SCN8A: variants seen among roughly 807,000 people sequenced by gnomAD.
SCN8A encodes the protein sodium voltage-gated channel alpha subunit 8.
In SCN8A, 30 loss-of-function variants were observed where a neutral mutation model predicts 184.1. The ratio of observed to expected loss-of-function variants is 0.16; its 90% CI spans 0.12 to 0.22. The LOEUF is 0.22. SCN8A is among the 10% of genes least tolerant of loss of function. The pLI is 1.00. For missense variants in SCN8A, 1,057 were observed against 2,498.9 expected, an observed-to-expected ratio of 0.42 and a Z score of 12.30; for synonymous variants, 852 against 907.0, an observed-to-expected ratio of 0.94 and a Z score of 1.09.
At chr12:51,604,345 T>A (rs966883083) in intron 1 of SCN8A, among the ~76,000 whole-genome samples, 1 of 152,198 alleles carries the variant, frequency 6.6e-6, no homozygotes, top group Non-Finnish European at 1.5e-5. Context: ...TGAATTGATT[T>A]TGGACTTTTG....
chr12:51,709,881 A>G (rs1941845828), intron 11 of SCN8A, among the ~76,000 whole-genome samples: 2 of 152,308 alleles, frequency 1.3e-5, no homozygotes, highest in Non-Finnish European at 2.9e-5. Flanking sequence ...GATGAGGTGG[A>G]TAAATTTGTA....
chr12:51,679,360 A>C (rs1941285188), intron 2 of SCN8A, among the ~76,000 whole-genome samples: 1 of 152,210 alleles, frequency 6.6e-6, no homozygotes, highest in South Asian at 2.1e-4. Context: ...CAGTTTTGCC[A>C]TCTGTTTTTG....
chr12:51,738,848 C>T (rs1395967163), intron 12 of SCN8A, among the ~76,000 whole-genome samples: 1 of 152,176 alleles, frequency 6.6e-6, no homozygotes, highest in Non-Finnish European at 1.5e-5. Context: ...GGGGGTTCCC[C>T]AGGCAGAAGG....
intron 12 of SCN8A, among the ~76,000 whole-genome samples, chr12:51,736,658 C>T (rs1471994715): frequency 6.6e-6 from 1 of 152,208 alleles, no homozygotes; most frequent in Non-Finnish European, 1.5e-5. Context: ...GGTGTATGAG[C>T]TCTAATGTCA....
At chr12:51,676,211 C>T (rs1022057052) in intron 2 of SCN8A, among the ~76,000 whole-genome samples, 2 of 152,130 alleles carry the variant, frequency 1.3e-5, no homozygotes, top group African/African-American at 2.4e-5. Context: ...TACCAGGACA[C>T]GGGTACTCTG....
chr12:51,699,649 G>A lies in SCN8A; in HGVS notation c.786G>A (p.Leu262=), dbSNP rs1592387904. 1 of 1,614,138 alleles carries A rather than the reference G, an allele frequency of 6.2e-7. No individual in the cohort carries two copies. Residue 262 remains leucine (L), a synonymous_variant, in exon 7 of 27, where the codon CTG becomes CTA. Transcript: ENST00000627620. ...TGATGATCCTGACAGTGTTCTGCCTGAGTGTTTTTGCCTTGATCGGACTGC... is the reference window on the plus strand; with the variant it reads ...TGATGATCCTGACAGTGTTCTGCCTAAGTGTTTTTGCCTTGATCGGACTGC... ...SDVMILTVFC[L]SVFALIGLQL... is the part of the protein sequence containing the mutation.
intron 14 of SCN8A, among the ~76,000 whole-genome samples, chr12:51,753,424 A>C (rs1429380479): frequency 6.6e-6 from 1 of 152,170 alleles, no homozygotes; most frequent in Non-Finnish European, 1.5e-5. Flanking sequence ...AACTGGCTTG[A>C]CGTATAAAAT....
chr12:51,695,926 T>G (rs146309698), intron 6 of SCN8A, among the ~76,000 whole-genome samples: 131 of 152,296 alleles, frequency 8.6e-4, no homozygotes, highest in African/African-American at 2.9e-3. Flanking sequence ...GAACAGGGGA[T>G]AGTTGGAGCT....
intron 26 of SCN8A, among the ~76,000 whole-genome samples, chr12:51,798,669 TG>T (rs1938476860): frequency 1.3e-5 from 2 of 152,110 alleles, no homozygotes; most frequent in South Asian, 4.1e-4. Context: ...ATGACAGGGG[TG>T]CCTGGGGAAA....
chr12:51,751,237 C>T (rs552943344), intron 13 of SCN8A, 118 bp from the exon 14 acceptor site: 43 of 710,242 alleles, frequency 6.1e-5, no homozygotes, highest in Non-Finnish European at 1.0e-4. Flanking sequence ...GGAATGTCAG[C>T]GCTCAAAACA....
chr12:51,647,831 C>T (rs1281661021), intron 1 of SCN8A, among the ~76,000 whole-genome samples: 1 of 152,292 alleles, frequency 6.6e-6, no homozygotes, highest in East Asian at 1.9e-4. Flanking sequence ...TTTTTCTCTT[C>T]TCCTATGATA....
chr12:51,705,742 T>C, intron 10 of SCN8A, 119 bp downstream of exon 10: 1 of 896,880 alleles, frequency 1.1e-6, no homozygotes, highest in Non-Finnish European at 1.7e-6. Context: ...GCCATTGGTC[T>C]GATGAAAATA....
intron 21 of SCN8A, among the ~76,000 whole-genome samples, chr12:51,781,347 C>T (rs557084347): frequency 6.6e-6 from 1 of 152,256 alleles, no homozygotes; most frequent in African/African-American, 2.4e-5. Context: ...GTTCTCAGCC[C>T]AGTCCCAAAT....
At chr12:51,646,910 A>G (rs1366594798) in intron 1 of SCN8A, among the ~76,000 whole-genome samples, 1 of 152,220 alleles carries the variant, frequency 6.6e-6, no homozygotes, top group Non-Finnish European at 1.5e-5. Context: ...ATGTATGTAC[A>G]AGGTGGAAAC....
intron 2 of SCN8A, among the ~76,000 whole-genome samples, chr12:51,666,770 A>G (rs1941041954): frequency 6.6e-6 from 1 of 152,034 alleles, no homozygotes; most frequent in African/African-American, 2.4e-5. Context: ...TTTAGCTCGG[A>G]TTTCACACTC....
intron 11 of SCN8A, among the ~76,000 whole-genome samples, chr12:51,714,689 A>G (rs1941937069): frequency 6.6e-6 from 1 of 152,194 alleles, no homozygotes; most frequent in Non-Finnish European, 1.5e-5. Flanking sequence ...CTCCTTCATC[A>G]CATTCCAAAC....
chr12:51,663,453 T>C (rs200599182), intron 2 of SCN8A, among the ~76,000 whole-genome samples: 2 of 152,228 alleles, frequency 1.3e-5, no homozygotes, highest in East Asian at 3.8e-4. Flanking sequence ...ATAAAGATGT[T>C]GTTACTATTG....
At chr12:51,796,594 A>G (rs1592168520) in intron 26 of SCN8A, among the ~76,000 whole-genome samples, 2 of 152,240 alleles carry the variant, frequency 1.3e-5, no homozygotes, top group Admixed American at 6.5e-5. Context: ...GGATAGATGT[A>G]TATATGAAAG....
intron 3 of SCN8A, among the ~76,000 whole-genome samples, chr12:51,684,657 A>G (rs1941391029): frequency 6.6e-6 from 1 of 152,230 alleles, no homozygotes; most frequent in South Asian, 2.1e-4. Flanking sequence ...GGTTTTTGAA[A>G]GTCCTTCTTG....
Sources: allele counts gnomAD v4.1 joint callset (sites outside exome capture counted in the v4.1 genomes callset), GRCh38; gene constraint gnomAD v4.1.1; transcripts MANE v1.5; gene names NCBI Gene and HGNC (gene_info 2026-07-23, HGNC 2026-07-21).